The following CNBD1 variants were observed in gnomAD, a reference collection of about 807,000 sequenced individuals.
The protein encoded by CNBD1 is cyclic nucleotide binding domain containing 1, also known as cyclic nucleotide-binding domain-containing protein 1.
Under a neutral mutation model 54.4 loss-of-function variants are expected in CNBD1, and 71 were observed. The ratio of observed to expected loss-of-function variants is 1.30; its 90% CI spans 1.08 to 1.59. The LOEUF is 1.59. Ranked by LOEUF, CNBD1 falls within the 40% of genes most tolerant of loss-of-function variation. The pLI is 0.00. For missense variants in CNBD1, 659 were observed against 518.0 expected (o/e 1.27, Z -2.64); for synonymous variants, 182 against 170.7 (o/e 1.07, Z -0.51).
intron 4 of CNBD1, among the ~76,000 whole-genome samples, chr8:87,019,031 C>G (rs1181715665): frequency 6.6e-6 from 1 of 152,100 alleles, no homozygotes; most frequent in Non-Finnish European, 1.5e-5. Flanking sequence ...GTAACAAAGT[C>G]TCCTGGGTAT....
intron 8 of CNBD1, among the ~76,000 whole-genome samples, chr8:87,335,269 C>T (rs1015892055): frequency 3.9e-5 from 6 of 152,126 alleles, no homozygotes; most frequent in African/African-American, 1.2e-4. Context: ...CGTTAATTTT[C>T]TGTCTTGTTA....
intron 4 of CNBD1, among the ~76,000 whole-genome samples, chr8:87,052,522 A>G (rs2943174): frequency 0.26 from 39,345 of 152,100 alleles, 5,969 homozygotes; most frequent in Admixed American, 0.36. Context: ...CCACTCATGT[A>G]TAGGATCACT....
At chr8:87,212,869 TA>T (rs538864676) in intron 5 of CNBD1, among the ~76,000 whole-genome samples, 113 of 152,174 alleles carry the variant, frequency 7.4e-4, no homozygotes, top group Non-Finnish European at 1.2e-3. Flanking sequence ...TTATAAAAAT[TA>T]AAATATTTTG....
chr8:87,413,392 A>G (rs939579085), intron 2 of CNBD1, among the ~76,000 whole-genome samples: 1 of 152,108 alleles, frequency 6.6e-6, no homozygotes, highest in East Asian at 1.9e-4. Context: ...TTTAACACCT[A>G]GTGTCATTTT....
chr8:86,952,528 G>T (rs1387798621), intron 4 of CNBD1, among the ~76,000 whole-genome samples: 1 of 151,732 alleles, frequency 6.6e-6, no homozygotes, highest in Non-Finnish European at 1.5e-5. Flanking sequence ...ATATATATTT[G>T]CTGGTCATGT....
chr8:87,388,315 G>C (rs989047693), intron 2 of CNBD1, among the ~76,000 whole-genome samples: 5 of 152,212 alleles, frequency 3.3e-5, no homozygotes, highest in South Asian at 4.1e-4. Context: ...GAATCCAGGA[G>C]CTGGTTTTTT....
At chr8:87,352,071 G>A (rs1267295079) in intron 9 of CNBD1, among the ~76,000 whole-genome samples, 1 of 152,048 alleles carries the variant, frequency 6.6e-6, no homozygotes, top group Admixed American at 6.6e-5. Flanking sequence ...TAAAACCATA[G>A]CCAGGTACTA....
rs34491735 is a variant in CNBD1, at chr8:86,878,105, TGAGA to T, written c.89-9414_89-9411del. Among the ~76,000 whole-genome samples, 807 of 140,930 alleles carry T rather than the reference TGAGA, an allele frequency of 5.7e-3. 12 individuals are homozygous for T. The highest frequency in any genetic ancestry group is 0.018 in the African/African-American group (710 of 39,570). 92.5% of individuals were successfully genotyped at this position (140,930 alleles called of 152,430 possible). A position where few individuals can be genotyped will look rare whatever the true frequency, so the allele number is the denominator to read the frequency against. ...CTGTGTGTGTGTGTGTGTGTGTGTG[TGAGA>T]GAGAGAGAGAGAGAGAGAGAGACGG... On this transcript the variant is annotated intron_variant, in intron 1 of 10. Coordinates refer to ENST00000518476, the MANE Select transcript of CNBD1 (RefSeq NM_173538.3).
At chr8:87,236,338 TG>T (rs1271093566) in intron 5 of CNBD1, among the ~76,000 whole-genome samples, 1 of 152,038 alleles carries the variant, frequency 6.6e-6, no homozygotes, top group Non-Finnish European at 1.5e-5. Context: ...CTTTAGGAAT[TG>T]GGGTTGGATG....
chr8:87,170,191 G>A (rs577733882), intron 4 of CNBD1, among the ~76,000 whole-genome samples: 52 of 151,910 alleles, frequency 3.4e-4, no homozygotes, highest in South Asian at 2.5e-3. Context: ...TTATTTTCTG[G>A]ATTTCTTTTT....
At chr8:86,967,062 A>G (rs1420016515) in intron 4 of CNBD1, among the ~76,000 whole-genome samples, 1 of 152,096 alleles carries the variant, frequency 6.6e-6, no homozygotes, top group Non-Finnish European at 1.5e-5. Flanking sequence ...GCTAGACAGA[A>G]AAGTTCTCCA....
intron 2 of CNBD1, among the ~76,000 whole-genome samples, chr8:87,405,955 G>T (rs1270100053): frequency 6.6e-6 from 1 of 152,102 alleles, no homozygotes; most frequent in East Asian, 1.9e-4. Context: ...TATTCAGGGA[G>T]ATTGATCATC....
chr8:87,102,026 T>C (rs1003506573), intron 4 of CNBD1, among the ~76,000 whole-genome samples: 15 of 151,938 alleles, frequency 9.9e-5, no homozygotes, highest in East Asian at 7.8e-4. Flanking sequence ...GTAGCTGGGA[T>C]TATAGGCGCC....
intron 4 of CNBD1, among the ~76,000 whole-genome samples, chr8:87,168,915 T>C (rs917128998): frequency 2.6e-5 from 4 of 152,094 alleles, no homozygotes; most frequent in Admixed American, 6.6e-5. Flanking sequence ...CTCTTCAATA[T>C]ACTAATTTTC....
intron 8 of CNBD1, among the ~76,000 whole-genome samples, chr8:87,336,716 C>T (rs535181784): frequency 2.0e-5 from 3 of 152,292 alleles, no homozygotes; most frequent in East Asian, 3.9e-4. Flanking sequence ...CCATCTTATC[C>T]CCTGTCCAGT....
intron 2 of CNBD1, among the ~76,000 whole-genome samples, chr8:87,389,237 G>C (rs1811257437): frequency 6.6e-6 from 1 of 152,180 alleles, no homozygotes; most frequent in African/African-American, 2.4e-5. Context: ...CATAGTGTTG[G>C]AAGTTCTGGC....
chr8:87,361,700 A>G (rs866147626), intron 10 of CNBD1, among the ~76,000 whole-genome samples: 1 of 150,388 alleles, frequency 6.6e-6, no homozygotes, highest in Non-Finnish European at 1.5e-5. Flanking sequence ...ATATATATAT[A>G]TATATATATT....
intron 4 of CNBD1, among the ~76,000 whole-genome samples, chr8:87,131,087 T>G (rs1191546717): frequency 3.3e-5 from 5 of 151,848 alleles, no homozygotes; most frequent in Admixed American, 6.6e-5. Context: ...AAATTTAAAC[T>G]GTACCTCTTG....
intron 3 of CNBD1, among the ~76,000 whole-genome samples, chr8:86,918,079 T>C (rs1232774029): frequency 6.6e-6 from 1 of 152,192 alleles, no homozygotes; most frequent in Non-Finnish European, 1.5e-5. Context: ...TTATTTAAAC[T>C]ATATCCTTTT....
Sources: gnomAD v4.1 joint callset for allele counts (sites outside exome capture counted in the v4.1 genomes callset) on GRCh38, gnomAD v4.1.1 for gene constraint, MANE v1.5 for transcripts, NCBI Gene and HGNC (gene_info 2026-07-23, HGNC 2026-07-21) for gene names.